PRR5: variants seen among roughly 807,000 people sequenced by gnomAD.
PRR5 encodes proline-rich protein 5.
Under a neutral mutation model 30.6 loss-of-function variants are expected in PRR5, and 25 were observed. The observed-to-expected ratio is 0.82, with a 90% CI of 0.60 to 1.14. The LOEUF (loss-of-function observed/expected upper bound fraction) is 1.14, where lower values mean the gene tolerates loss of function less well. PRR5 is among the 50% of genes most tolerant of loss of function. The pLI is 0.00. For synonymous variants in PRR5, 286 were observed against 247.1 expected, an observed-to-expected ratio of 1.16 and a Z score of -1.48; for missense variants, 600 against 547.1, an observed-to-expected ratio of 1.10 and a Z score of -0.96.
At chr22:44,707,402 G>T (rs1321366586) in intron 1 of PRR5, among the ~76,000 whole-genome samples, 1 of 152,170 alleles carries the variant, frequency 6.6e-6, no homozygotes, top group Non-Finnish European at 1.5e-5. Context: ...GCATGAGGGT[G>T]CCCTGCTTGG....
chr22:44,689,483 G>T (rs1039371045), intron 1 of PRR5, among the ~76,000 whole-genome samples: 1 of 152,232 alleles, frequency 6.6e-6, no homozygotes, highest in South Asian at 2.1e-4. Flanking sequence ...CCCGAAGAGG[G>T]TAAACAAAGG....
At position 44,708,419 on chromosome 22, in the gene PRR5, G is replaced by A. The variant is rs1927575864; in HGVS notation, c.134+5811G>A. On this transcript the variant is annotated intron_variant, in intron 1 of 7. Transcript: ENST00000336985. ...TCCATAGCTAGGGTCAGAGCACAAA[G>A]GCAGGGCCCTAAAGGACCTTGTCTG... 2.0e-5 allele frequency among the ~76,000 whole-genome samples: 3 copies of A among 152,176 alleles called. No individual in the cohort carries two copies. In the South Asian group the frequency reaches 6.2e-4, roughly 32 times the overall value.
chr22:44,693,688 G>A lies in PRR5; in HGVS notation c.-10-8804G>A, dbSNP rs114844468. ...ACCTAGGCTGGAGTGCAGGCTCAGT[G>A]GCTCACTCGGCTCAGTGCAAGCTCT... On this transcript the variant is annotated intron_variant, in intron 1 of 8. Transcript: ENST00000006251. 5.8e-3 allele frequency among the ~76,000 whole-genome samples: 838 copies of A among 144,982 alleles called. 11 individuals carry two copies. The highest frequency in any genetic ancestry group is 0.02 in the African/African-American group (786 of 39,240).
chr22:44,728,521 G>T (rs989778399), intron 4 of PRR5, among the ~76,000 whole-genome samples: 1 of 152,234 alleles, frequency 6.6e-6, no homozygotes, highest in African/African-American at 2.4e-5. Flanking sequence ...GTGTCCTGGG[G>T]AAGAAAGGGT....
intron 6 of PRR5, among the ~76,000 whole-genome samples, chr22:44,733,644 GCCT>G (rs1245517984): frequency 6.6e-6 from 1 of 152,132 alleles, no homozygotes; most frequent in Non-Finnish European, 1.5e-5. Context: ...ACAGAGGGAG[GCCT>G]CCTCCCTGGC....
intron 4 of PRR5, 134 bp from the exon 5 acceptor site, chr22:44,731,596 G>A (rs1395492847): frequency 1.3e-5 from 10 of 791,562 alleles, no homozygotes; most frequent in South Asian, 7.5e-5. Context: ...GCTGGACATC[G>A]ACCTTGGGCA....
At chr22:44,732,224 G>C (rs748564664) in intron 5 of PRR5, 27 bp from the exon 6 acceptor site, 107 of 1,607,286 alleles carry the variant, frequency 6.7e-5, no homozygotes, top group Middle Eastern at 2.2e-4. Flanking sequence ...ACCACAGCCG[G>C]TGGGGTGGGG....
chr22:44,732,538 G>A, intron 6 of PRR5, 147 bp downstream of exon 6: 1 of 1,295,218 alleles, frequency 7.7e-7, no homozygotes, highest in South Asian at 1.5e-5. Flanking sequence ...CAGGGCCAGG[G>A]ACCGGGGAGC....
At chr22:44,721,286 G>T (rs1057085834) in intron 2 of PRR5, among the ~76,000 whole-genome samples, 7 of 152,318 alleles carry the variant, frequency 4.6e-5, no homozygotes, top group Admixed American at 2.0e-4. Context: ...AATTTTCTGG[G>T]GTTGAAATAC....
chr22:44,697,059 C>T (rs1925820986), intron 1 of PRR5, among the ~76,000 whole-genome samples: 1 of 152,130 alleles, frequency 6.6e-6, no homozygotes, highest in Non-Finnish European at 1.5e-5. Flanking sequence ...TATCAGATGG[C>T]AGAGCTAGGA....
chr22:44,730,311 A>G, intron 4 of PRR5: 1 of 985,368 alleles, frequency 1.0e-6, no homozygotes, highest in Non-Finnish European at 1.2e-6. Flanking sequence ...AGGCGCCCAC[A>G]CCAAGATCTC....
chr22:44,727,369 G>A (rs988070726), intron 4 of PRR5, among the ~76,000 whole-genome samples: 4 of 152,176 alleles, frequency 2.6e-5, no homozygotes, highest in Non-Finnish European at 4.4e-5. Flanking sequence ...CAGTTCCCAC[G>A]GATGCTGCTT....
chr22:44,735,441 C>T (rs902365525), intron 7 of PRR5, among the ~76,000 whole-genome samples: 1 of 152,204 alleles, frequency 6.6e-6, no homozygotes, highest in Non-Finnish European at 1.5e-5. Context: ...TCTTGAAAGT[C>T]AGAAGTGGGC....
At chr22:44,727,294 A>G (rs2147141133) in intron 4 of PRR5, among the ~76,000 whole-genome samples, 1 of 152,216 alleles carries the variant, frequency 6.6e-6, no homozygotes, top group South Asian at 2.1e-4. Flanking sequence ...GGGCAGCAGC[A>G]GCAGCGTGCG....
At chr22:44,731,965 T>A in intron 5 of PRR5, 144 bp downstream of exon 5, 1 of 968,220 alleles carries the variant, frequency 1.0e-6, no homozygotes. Flanking sequence ...CCTGAGTTGC[T>A]CAGAGCCTGT....
intron 1 of PRR5, among the ~76,000 whole-genome samples, chr22:44,677,772 C>T (rs1923894692): frequency 6.6e-6 from 1 of 152,166 alleles, no homozygotes; most frequent in Admixed American, 6.6e-5. Context: ...GGTTGCTTCA[C>T]CTCTCTGAGC....
At chr22:44,717,004 T>C (rs1929151067) in intron 2 of PRR5, among the ~76,000 whole-genome samples, 1 of 151,968 alleles carries the variant, frequency 6.6e-6, no homozygotes, top group South Asian at 2.1e-4. Flanking sequence ...GAGGTTGCAG[T>C]GTGTCAAGAC....
intron 1 of PRR5, chr22:44,679,708 A>AAAT: frequency 1.7e-6 from 2 of 1,187,498 alleles, no homozygotes; most frequent in South Asian, 1.5e-5. Context: ...CTCCATCTCA[A>AAAT]AATAATAATA....
intron 5 of PRR5, 117 bp from the exon 6 acceptor site, chr22:44,732,134 G>A (rs563583091): frequency 1.9e-5 from 29 of 1,503,398 alleles, no homozygotes; most frequent in South Asian, 1.2e-5. Flanking sequence ...GGAGAACGGG[G>A]TGGAGGGGCC....
Sources: gnomAD v4.1 joint callset for allele counts (sites outside exome capture counted in the v4.1 genomes callset) on GRCh38, gnomAD v4.1.1 for gene constraint, MANE v1.5 for transcripts, NCBI Gene and HGNC (gene_info 2026-07-23, HGNC 2026-07-21) for gene names.